Variants in CA10 observed in about 807,000 individuals in gnomAD.
CA10 encodes carbonic anhydrase 10 (inactive).
A neutral mutation model predicts 44.2 loss-of-function variants in CA10; 14 were observed. That is an observed-to-expected ratio of 0.32 (90% CI 0.21 to 0.50). CA10 has a LOEUF of 0.50. CA10 is among the 20% of genes least tolerant of loss of function. The pLI is 0.99. For missense variants in CA10, 350 were observed against 409.7 expected, an observed-to-expected ratio of 0.85 and a Z score of 1.26; for synonymous variants, 159 against 141.6, an observed-to-expected ratio of 1.12 and a Z score of -0.87.
intron 3 of CA10, among the ~76,000 whole-genome samples, chr17:51,891,864 G>A (rs1980871161): frequency 6.6e-6 from 1 of 152,174 alleles, no homozygotes; most frequent in Non-Finnish European, 1.5e-5. Context: ...GGTAAAGGGA[G>A]GGCCAATCCC....
intron 3 of CA10, among the ~76,000 whole-genome samples, chr17:51,911,288 T>C (rs1981780990): frequency 6.6e-6 from 1 of 152,140 alleles, no homozygotes; most frequent in Admixed American, 6.5e-5. Flanking sequence ...ACCACTGAGA[T>C]TTTTGTGGTG....
At chr17:51,784,779 T>A (rs1906197479) in intron 3 of CA10, among the ~76,000 whole-genome samples, 2 of 152,240 alleles carry the variant, frequency 1.3e-5, no homozygotes, top group South Asian at 4.1e-4. Flanking sequence ...GTGTTACAAA[T>A]GATCCAATTA....
chr17:51,979,331 T>C (rs1333968206), intron 2 of CA10, among the ~76,000 whole-genome samples: 2 of 152,304 alleles, frequency 1.3e-5, no homozygotes, highest in Middle Eastern at 3.4e-3. Context: ...CATCTTAATA[T>C]TTTTTAAACT....
At chr17:51,789,743 G>T (rs1906437232) in intron 3 of CA10, among the ~76,000 whole-genome samples, 1 of 152,188 alleles carries the variant, frequency 6.6e-6, no homozygotes, top group Non-Finnish European at 1.5e-5. Context: ...ATACACAGGT[G>T]CTCATGACAC....
chr17:51,644,374 G>A (rs1348078145), intron 6 of CA10, among the ~76,000 whole-genome samples: 2 of 152,188 alleles, frequency 1.3e-5, no homozygotes, highest in African/African-American at 4.8e-5. Flanking sequence ...ATCTTTAGAA[G>A]TGATTTTCAA....
chr17:51,658,554 T>C (rs1913885154), intron 4 of CA10, among the ~76,000 whole-genome samples: 1 of 152,072 alleles, frequency 6.6e-6, no homozygotes, highest in Non-Finnish European at 1.5e-5. Flanking sequence ...ATATCACTTG[T>C]AGAGAACACG....
intron 3 of CA10, among the ~76,000 whole-genome samples, chr17:51,845,501 C>A (rs1978453389): frequency 6.6e-6 from 1 of 152,180 alleles, no homozygotes; most frequent in Admixed American, 6.5e-5. Flanking sequence ...AATTCCTGAT[C>A]CACAGAAACT....
At chr17:51,940,965 C>T (rs1983055683) in intron 2 of CA10, among the ~76,000 whole-genome samples, 1 of 152,120 alleles carries the variant, frequency 6.6e-6, no homozygotes. Flanking sequence ...TCTTTTTATT[C>T]ACCAAGTCAT....
intron 2 of CA10, among the ~76,000 whole-genome samples, chr17:52,043,737 C>A (rs1167499420): frequency 6.6e-6 from 1 of 151,936 alleles, no homozygotes; most frequent in Non-Finnish European, 1.5e-5. Flanking sequence ...TTCTTCTATA[C>A]CTAATTTGTT....
In CA10 at chr17:51,776,130, C is replaced by T. The variant is rs530349544; in HGVS notation, c.280-28312G>A. Among the ~76,000 whole-genome samples, 11 of 152,258 alleles carry T rather than the reference C, an allele frequency of 7.2e-5. 1 individual carries two copies. The South Asian group carries it at 2.3e-3, about 32-fold the overall frequency. On this transcript the variant is annotated intron_variant, in intron 3 of 8. Transcript: ENST00000451037. ...TGTAAAGAATGGATTAGAGCTGAGG[C>T]AGGCAGATCACCTGAGGTCAGGAGT...
At chr17:52,148,071 G>A (rs1989627061) in intron 1 of CA10, among the ~76,000 whole-genome samples, 1 of 152,120 alleles carries the variant, frequency 6.6e-6, no homozygotes, top group East Asian at 1.9e-4. Context: ...CCACAATTCT[G>A]TTACAAAAGG....
At chr17:51,746,685 C>T (rs1392194491) in intron 4 of CA10, among the ~76,000 whole-genome samples, 4 of 152,182 alleles carry the variant, frequency 2.6e-5, no homozygotes, top group South Asian at 4.1e-4. Context: ...TGGTAACTAG[C>T]TGAGTGCCTA....
intron 1 of CA10, among the ~76,000 whole-genome samples, chr17:52,133,096 GC>G (rs1989277121): frequency 6.6e-6 from 1 of 152,186 alleles, no homozygotes; most frequent in Admixed American, 6.5e-5. Flanking sequence ...CTGCTTCACT[GC>G]CCTGTCTGGG....
chr17:51,843,530 G>A (rs1978368054), intron 3 of CA10, among the ~76,000 whole-genome samples: 1 of 152,094 alleles, frequency 6.6e-6, no homozygotes, highest in African/African-American at 2.4e-5. Context: ...CCCACGTGAA[G>A]TCTCCCTTGG....
At chr17:51,811,605 G>A (rs1234103344) in intron 3 of CA10, among the ~76,000 whole-genome samples, 2 of 152,152 alleles carry the variant, frequency 1.3e-5, no homozygotes, top group African/African-American at 4.8e-5. Flanking sequence ...TCCCTGAAAA[G>A]GACATGAACT....
chr17:51,876,062 A>G (rs1006347305), intron 3 of CA10, among the ~76,000 whole-genome samples: 1 of 151,998 alleles, frequency 6.6e-6, no homozygotes, highest in Non-Finnish European at 1.5e-5. Context: ...CTATGGAAAG[A>G]CATGAGAGTT....
intron 3 of CA10, among the ~76,000 whole-genome samples, chr17:51,865,303 T>C (rs1425026782): frequency 6.6e-6 from 1 of 152,208 alleles, no homozygotes; most frequent in Admixed American, 6.5e-5. Flanking sequence ...AAGGCAAGTG[T>C]TTTTGTCTAG....
At chr17:51,659,320 G>T (rs995077018) in intron 4 of CA10, among the ~76,000 whole-genome samples, 1 of 152,026 alleles carries the variant, frequency 6.6e-6, no homozygotes, top group Non-Finnish European at 1.5e-5. Context: ...TTACACTAGC[G>T]ACCACCTCTC....
At chr17:51,714,212 C>G (rs2143500618) in intron 4 of CA10, among the ~76,000 whole-genome samples, 1 of 152,224 alleles carries the variant, frequency 6.6e-6, no homozygotes. Flanking sequence ...ATGTTACCAT[C>G]CATCTCTTTC....
Sources: allele counts gnomAD v4.1 joint callset (sites outside exome capture counted in the v4.1 genomes callset), GRCh38; gene constraint gnomAD v4.1.1; transcripts MANE v1.5; gene names NCBI Gene and HGNC (gene_info 2026-07-23, HGNC 2026-07-21).